Variants in MIPEP observed in about 807,000 individuals in gnomAD.
MIPEP encodes the protein mitochondrial intermediate peptidase.
A neutral mutation model predicts 90.3 loss-of-function variants in MIPEP; 79 were observed. The observed-to-expected ratio is 0.87, with a 90% CI of 0.73 to 1.05. The LOEUF (loss-of-function observed/expected upper bound fraction) is 1.05. Among genes scored for constraint, MIPEP ranks in the 50% least tolerant of loss-of-function variants. The probability of loss-of-function intolerance (pLI) is 0.00; values close to 1 mark genes in which losing one functional copy is unlikely to be tolerated. For synonymous variants in MIPEP, 334 were observed against 315.8 expected (o/e 1.06, Z -0.61); for missense variants, 940 against 905.6 (o/e 1.04, Z -0.49).
In MIPEP at chr13:23,773,289, T is replaced by C. The variant is rs549046067; in HGVS notation, c.1849-13072A>G. On this transcript the variant is annotated intron_variant, in intron 16 of 18. Coordinates refer to ENST00000382172, the MANE Select transcript of MIPEP (RefSeq NM_005932.4). The stretch of plus-strand genomic sequence containing the variant: ...GTAATGTTTTCAAAGTCTATCCATG[T>C]TGTAGCAATACTTCATTTCTTTTTA... 2.7e-3 allele frequency among the ~76,000 whole-genome samples: 407 copies of C among 152,366 alleles called. 3 individuals carry two copies. Among genetic ancestry groups the C allele is most frequent in the African/African-American group, 9.3e-3 (388 of 41,584 alleles).
intron 10 of MIPEP, among the ~76,000 whole-genome samples, chr13:23,849,033 G>A (rs922595773): frequency 6.6e-6 from 1 of 152,120 alleles, no homozygotes; most frequent in African/African-American, 2.4e-5. Context: ...TCTTCAACAC[G>A]GAGTGAAAAA....
At chr13:23,843,051 G>A (rs1869370696) in intron 10 of MIPEP, among the ~76,000 whole-genome samples, 2 of 144,520 alleles carry the variant, frequency 1.4e-5, no homozygotes, top group Non-Finnish European at 3.0e-5. Context: ...AGCCACGATT[G>A]TGCCACTGCA....
At chr13:23,781,850 G>C (rs1161660645) in intron 16 of MIPEP, among the ~76,000 whole-genome samples, 2 of 152,126 alleles carry the variant, frequency 1.3e-5, no homozygotes, top group Non-Finnish European at 2.9e-5. Context: ...GATCAAAAAA[G>C]ACAAGGAAGG....
chr13:23,774,191 C>T (rs7318823), intron 16 of MIPEP, among the ~76,000 whole-genome samples: 42,435 of 151,954 alleles, frequency 0.28, 6,459 homozygotes, highest in South Asian at 0.48. Flanking sequence ...ACAATTCTTT[C>T]CCCAATTAGT....
intron 16 of MIPEP, among the ~76,000 whole-genome samples, chr13:23,789,028 G>A (rs1261427481): frequency 1.3e-5 from 2 of 152,100 alleles, no homozygotes; most frequent in Non-Finnish European, 2.9e-5. Context: ...GGCTGGTCTT[G>A]AACTCCTGGG....
intron 1 of MIPEP, chr13:23,888,612 G>C: frequency 1.3e-6 from 1 of 758,142 alleles, no homozygotes; most frequent in Non-Finnish European, 1.6e-6. Context: ...TTTAAAACAA[G>C]AAAGCCCAAA....
At chr13:23,740,944 C>T (rs550141702) in intron 18 of MIPEP, among the ~76,000 whole-genome samples, 47 of 152,312 alleles carry the variant, frequency 3.1e-4, no homozygotes, top group African/African-American at 1.1e-3. Context: ...AGTTCATGGA[C>T]TGGGTGTCCA....
At chr13:23,750,528 A>G (rs565764635) in intron 18 of MIPEP, among the ~76,000 whole-genome samples, 105 of 152,330 alleles carry the variant, frequency 6.9e-4, no homozygotes, top group African/African-American at 2.4e-3. Flanking sequence ...AAAACTTCCC[A>G]TCATATTATA....
intron 14 of MIPEP, among the ~76,000 whole-genome samples, chr13:23,814,428 A>AT (rs1381679301): frequency 6.6e-6 from 1 of 151,582 alleles, no homozygotes; most frequent in African/African-American, 2.4e-5. Context: ...CGCCTGGCTA[A>AT]TTTTTTGTAT....
At chr13:23,887,992 A>G (rs1179769463) in intron 1 of MIPEP, 1 of 348,104 alleles carries the variant, frequency 2.9e-6, no homozygotes, top group African/African-American at 2.2e-5. Context: ...AATTCTAACT[A>G]TCGGATTACC....
chr13:23,818,731 G>A (rs1953271829), intron 14 of MIPEP, among the ~76,000 whole-genome samples: 1 of 152,196 alleles, frequency 6.6e-6, no homozygotes, highest in Admixed American at 6.5e-5. Context: ...GTTACAGGCT[G>A]TTTATACCTC....
chr13:23,872,903 C>A (rs902568665), intron 5 of MIPEP, among the ~76,000 whole-genome samples: 4 of 152,174 alleles, frequency 2.6e-5, no homozygotes, highest in African/African-American at 9.7e-5. Flanking sequence ...CTAGCATTAT[C>A]ATGATTTGTC....
intron 14 of MIPEP, among the ~76,000 whole-genome samples, chr13:23,812,894 T>C (rs987523860): frequency 6.6e-6 from 1 of 152,178 alleles, no homozygotes; most frequent in Non-Finnish European, 1.5e-5. Flanking sequence ...AAGTAGAGAA[T>C]AAGTACAATC....
Position 23,760,596 on chromosome 13 carries a change from C to T in MIPEP, c.1849-379G>A, listed in dbSNP as rs776065077. On this transcript the variant is annotated intron_variant, in intron 16 of 18. Coordinates refer to ENST00000382172, the MANE Select transcript of MIPEP (RefSeq NM_005932.4). ...GTGGGCACAGAGGAAAGGCTGTCTG[C>T]AAGCCAAAGAGGCCTCGGGAGAAGC... 4 of 535,434 alleles carry T rather than the reference C, an allele frequency of 7.5e-6. No individual in the cohort carries two copies. In the East Asian group the frequency reaches 2.1e-4, roughly 29 times the overall value. 33.2% of individuals were successfully genotyped at this position (535,434 alleles called of 1,614,324 possible).
intron 16 of MIPEP, among the ~76,000 whole-genome samples, chr13:23,786,274 C>T (rs944857593): frequency 6.6e-6 from 1 of 151,972 alleles, no homozygotes; most frequent in Non-Finnish European, 1.5e-5. Context: ...TCATACTTTA[C>T]ATCAAAACAA....
At chr13:23,816,666 C>T (rs1413622073) in intron 14 of MIPEP, among the ~76,000 whole-genome samples, 1 of 152,098 alleles carries the variant, frequency 6.6e-6, no homozygotes, top group Admixed American at 6.5e-5. Flanking sequence ...TTTCAAGTTC[C>T]TCAGTTTGCT....
chr13:23,732,268 C>T (rs1360444786), intron 18 of MIPEP, among the ~76,000 whole-genome samples: 1 of 152,046 alleles, frequency 6.6e-6, no homozygotes, highest in African/African-American at 2.4e-5. Flanking sequence ...GGATTACAGG[C>T]GTGAGCCACT....
At chr13:23,795,156 T>A (rs1268740960) in intron 16 of MIPEP, among the ~76,000 whole-genome samples, 1 of 152,058 alleles carries the variant, frequency 6.6e-6, no homozygotes, top group Admixed American at 6.6e-5. Flanking sequence ...GACTTTCCAT[T>A]TGCAGGAGAG....
intron 16 of MIPEP, among the ~76,000 whole-genome samples, chr13:23,804,483 G>T (rs1953083232): frequency 6.6e-6 from 1 of 152,170 alleles, no homozygotes; most frequent in African/African-American, 2.4e-5. Flanking sequence ...TGAATAAATA[G>T]TTAGATTATT....
Sources: allele counts gnomAD v4.1 joint callset (sites outside exome capture counted in the v4.1 genomes callset), GRCh38; gene constraint gnomAD v4.1.1; transcripts MANE v1.5; gene names NCBI Gene and HGNC (gene_info 2026-07-23, HGNC 2026-07-21).